CADM2: variants seen among roughly 807,000 people sequenced by gnomAD.
CADM2 encodes the protein cell adhesion molecule 2, also known as immunoglobulin superfamily member 4D.
A neutral mutation model predicts 49.8 loss-of-function variants in CADM2; 12 were observed. That is an observed-to-expected ratio of 0.24 (90% confidence interval 0.15 to 0.39). CADM2 has a LOEUF of 0.39. CADM2 is among the 10% of genes least tolerant of loss of function. The probability of loss-of-function intolerance (pLI) is 1.00; values close to 1 mark genes in which losing one functional copy is unlikely to be tolerated. For missense variants in CADM2, 378 were observed against 492.3 expected (o/e 0.77, Z 2.20); for synonymous variants, 214 against 175.4 (o/e 1.22, Z -1.74).
At chr3:85,729,818 C>A (rs2067855548) in intron 2 of CADM2, among the ~76,000 whole-genome samples, 1 of 152,100 alleles carries the variant, frequency 6.6e-6, no homozygotes, top group Non-Finnish European at 1.5e-5. Flanking sequence ...TGAATGTTTT[C>A]TTTCTAAGGG....
chr3:85,909,209 G>T (rs1432183503), intron 5 of CADM2, among the ~76,000 whole-genome samples: 1 of 152,054 alleles, frequency 6.6e-6, no homozygotes, highest in East Asian at 1.9e-4. Flanking sequence ...ACCACCAAAA[G>T]TGACCACGTT....
intron 8 of CADM2, among the ~76,000 whole-genome samples, chr3:86,030,850 T>A (rs976941174): frequency 3.3e-5 from 5 of 151,904 alleles, no homozygotes; most frequent in African/African-American, 1.2e-4. Flanking sequence ...TTTCTAAAAC[T>A]ACTCTTTATA....
At chr3:85,250,888 A>T (rs771611317) in intron 1 of CADM2, among the ~76,000 whole-genome samples, 1 of 151,784 alleles carries the variant, frequency 6.6e-6, no homozygotes, top group Admixed American at 6.6e-5. Context: ...AATAGCTTAC[A>T]TAGAGAACAA....
intron 1 of CADM2, among the ~76,000 whole-genome samples, chr3:85,057,865 A>G (rs2036147948): frequency 6.6e-6 from 1 of 152,174 alleles, no homozygotes; most frequent in Non-Finnish European, 1.5e-5. Context: ...GCATTTTTGC[A>G]GAAGCCTTAA....
chr3:84,997,370 C>T (rs6789062), intron 1 of CADM2, among the ~76,000 whole-genome samples: 13,086 of 151,860 alleles, frequency 0.086, 750 homozygotes, highest in Admixed American at 0.19. Context: ...ACTTTTGGAC[C>T]GATTTTTCCA....
intron 1 of CADM2, among the ~76,000 whole-genome samples, chr3:85,670,915 C>T (rs2065716175): frequency 6.6e-6 from 1 of 152,148 alleles, no homozygotes; most frequent in African/African-American, 2.4e-5. Flanking sequence ...TTGGGTCCTT[C>T]TCGACCATAG....
chr3:85,937,522 G>T (rs944995707), intron 7 of CADM2, among the ~76,000 whole-genome samples: 2 of 151,894 alleles, frequency 1.3e-5, no homozygotes, highest in African/African-American at 4.8e-5. Context: ...GTTCAGTCTT[G>T]CCCAAAGCCT....
intron 1 of CADM2, among the ~76,000 whole-genome samples, chr3:85,228,243 C>T (rs998742545): frequency 6.6e-6 from 1 of 152,042 alleles, no homozygotes; most frequent in African/African-American, 2.4e-5. Flanking sequence ...CCATTCTCCC[C>T]GTCACTTTCA....
chr3:85,508,902 G>A (rs1346842895), intron 1 of CADM2, among the ~76,000 whole-genome samples: 2 of 151,818 alleles, frequency 1.3e-5, no homozygotes, highest in Admixed American at 6.6e-5. Context: ...CAGAAACAGT[G>A]GCTGGAGATC....
At chr3:85,502,457 G>T (rs1406804330) in intron 1 of CADM2, among the ~76,000 whole-genome samples, 1 of 151,684 alleles carries the variant, frequency 6.6e-6, no homozygotes, top group Non-Finnish European at 1.5e-5. Flanking sequence ...TAGCTAGAAG[G>T]GTTCATAGTG....
intron 3 of CADM2, among the ~76,000 whole-genome samples, chr3:85,858,740 G>A (rs1336774035): frequency 6.6e-6 from 1 of 152,150 alleles, no homozygotes; most frequent in East Asian, 1.9e-4. Context: ...TATAGGATTG[G>A]CAAATGCATG....
intron 7 of CADM2, among the ~76,000 whole-genome samples, chr3:85,940,164 C>CAAAA (rs10527231): frequency 1.2e-4 from 6 of 52,174 alleles, no homozygotes; most frequent in Non-Finnish European, 2.4e-4. Flanking sequence ...ACTAAAAATA[C>CAAAA]AAAAAAAAAA....
chr3:85,494,218 T>A (rs985763144), intron 1 of CADM2, among the ~76,000 whole-genome samples: 1 of 152,170 alleles, frequency 6.6e-6, no homozygotes, highest in African/African-American at 2.4e-5. Flanking sequence ...TACGTTTAAG[T>A]AAAATTTAAC....
At chr3:85,939,197 T>A (rs764253416) in intron 7 of CADM2, among the ~76,000 whole-genome samples, 5 of 152,036 alleles carry the variant, frequency 3.3e-5, no homozygotes, top group Non-Finnish European at 5.9e-5. Context: ...CTGAAGCCTT[T>A]TGCCATTTTC....
rs1175977714 is a variant in CADM2 at position 85,628,584 on chromosome 3, T to TATATATACATATATATAC, written c.62-97923_62-97922insTACATATATACATATATA. ...ATATATATACATATATACACACACA[T>TATATATACATATATATAC]ATATATACATATATACACATATATA... On this transcript the variant is annotated intron_variant, in intron 1 of 9. Coordinates refer to ENST00000383699, the MANE Select transcript of CADM2 (RefSeq NM_001167675.2). Among the ~76,000 whole-genome samples, 481 of 138,492 alleles carry TATATATACATATATATAC rather than the reference T, an allele frequency of 3.5e-3. 4 individuals carry two copies. The highest frequency in any genetic ancestry group is 7.2e-3 in the African/African-American group (264 of 36,854). 90.9% of individuals were successfully genotyped at this position (138,492 alleles called of 152,430 possible). A position where few individuals can be genotyped will look rare whatever the true frequency, so the allele number is the denominator to read the frequency against.
chr3:85,399,119 G>A (rs986511217), intron 1 of CADM2, among the ~76,000 whole-genome samples: 1 of 152,030 alleles, frequency 6.6e-6, no homozygotes, highest in South Asian at 2.1e-4. Flanking sequence ...TTTCTTCTAG[G>A]GTTTTTATGG....
intron 8 of CADM2, 41 bp downstream of exon 8, chr3:85,961,688 T>G: frequency 7.1e-7 from 1 of 1,414,950 alleles, no homozygotes; most frequent in Non-Finnish European, 9.5e-7. Context: ...AAAGGATGCA[T>G]AACTTGAAAA....
chr3:85,420,191 A>G lies in CADM2; in HGVS notation c.62-306331A>G, dbSNP rs2036104164. On this transcript the variant is annotated intron_variant, in intron 1 of 9. Transcript: ENST00000383699. ...GGGGAGAAAAACTGCTTGCCATTCT[A>G]CATGTTTACACTGATACTCAATTTT... Among the ~76,000 whole-genome samples, 3 of 152,298 alleles carry G rather than the reference A, an allele frequency of 2.0e-5. No homozygotes were observed. In the South Asian group the frequency reaches 6.2e-4, roughly 32 times the overall value.
At chr3:85,471,338 C>A (rs905424107) in intron 1 of CADM2, among the ~76,000 whole-genome samples, 2 of 152,126 alleles carry the variant, frequency 1.3e-5, no homozygotes, top group African/African-American at 2.4e-5. Context: ...TGTTAAGTCT[C>A]ACTCAGACTA....
Sources: allele counts gnomAD v4.1 joint callset (sites outside exome capture counted in the v4.1 genomes callset), GRCh38; gene constraint gnomAD v4.1.1; transcripts MANE v1.5; gene names NCBI Gene and HGNC (gene_info 2026-07-23, HGNC 2026-07-21).